The following CACNB1 variants were observed in gnomAD, a reference collection of about 807,000 sequenced individuals.
The protein encoded by CACNB1 is voltage-dependent L-type calcium channel subunit beta-1.
Under a neutral mutation model 71.6 loss-of-function variants are expected in CACNB1, and 29 were observed. That is an observed-to-expected ratio of 0.40 (90% CI 0.30 to 0.55). The LOEUF is 0.55. CACNB1 is among the 20% of genes least tolerant of loss of function. The probability of loss-of-function intolerance (pLI) is 0.38; values close to 1 mark genes in which losing one functional copy is unlikely to be tolerated. For synonymous variants in CACNB1, 300 were observed against 319.6 expected (o/e 0.94, Z 0.65); for missense variants, 623 against 801.8 (o/e 0.78, Z 2.69).
Position 39,191,489 on chromosome 17 carries a change from C to G in CACNB1, c.276G>C (p.Gln92His). 6.2e-7 allele frequency: 1 copy of G among 1,602,872 alleles called. No homozygotes were observed. The change falls in exon 3 of 14, where the codon CAG becomes CAC. Residue 92 changes from glutamine (Q) to histidine (H), a missense_variant. Gln to His is a conservative substitution (Grantham distance 24). Coordinates refer to ENST00000394303, the MANE Select transcript of CACNB1 (RefSeq NM_000723.5). ...RKEAERQALA[Q>H]LEKAKTKPVA... is the part of the protein sequence containing the mutation. ...TCTTTCTCACCTTGGCCTTCTCGAGCTGCGCTAATGCCTGGCGCTCTGCTT... is the reference window on the plus strand; with the variant it reads ...TCTTTCTCACCTTGGCCTTCTCGAGGTGCGCTAATGCCTGGCGCTCTGCTT...
Position 39,187,570 on chromosome 17 carries a change from T to C in CACNB1, c.323A>G (p.Asn108Ser), listed in dbSNP as rs768351592. 6.8e-6 allele frequency: 11 copies of C among 1,614,024 alleles called. No homozygotes were observed. The highest frequency in any genetic ancestry group is 9.3e-6 in the Non-Finnish European group (11 of 1,180,032). Residue 108 changes from asparagine (N) to serine (S), a missense_variant, in exon 4 of 14, where the codon AAT becomes AGT. By Grantham distance (46) the Asn-to-Ser change is conservative (BLOSUM62 1). Coordinates refer to ENST00000394303, the MANE Select transcript of CACNB1 (RefSeq NM_000723.5). The stretch of plus-strand genomic sequence containing the variant: ...CCCTGGAGACGGATTGTAGCCAACA[T>C]TTGTCCGCACAGCAAATGCCACTGG... ...TKPVAFAVRT[N>S]VGYNPSPGDE...
At chr17:39,191,704 A>G in intron 2 of CACNB1, 111 bp from the exon 3 acceptor site, 1 of 1,060,448 alleles carries the variant, frequency 9.4e-7, no homozygotes, top group Non-Finnish European at 1.4e-6. Context: ...CAGCCAGCCC[A>G]GCATGACACC....
intron 1 of CACNB1, among the ~76,000 whole-genome samples, chr17:39,197,166 G>C (rs922557343): frequency 6.6e-6 from 1 of 152,082 alleles, no homozygotes; most frequent in Non-Finnish European, 1.5e-5. Flanking sequence ...GAACCTTGAC[G>C]CGGGGGAGAT....
At chr17:39,185,046 G>A in intron 7 of CACNB1, 85 bp downstream of exon 7, 15 of 1,257,762 alleles carry the variant, frequency 1.2e-5, no homozygotes, top group South Asian at 1.1e-4. Flanking sequence ...GGAAATGGGG[G>A]ACAGATGTGG....
intron 3 of CACNB1, among the ~76,000 whole-genome samples, chr17:39,190,585 A>T (rs1325352562): frequency 6.6e-6 from 1 of 151,514 alleles, no homozygotes; most frequent in Non-Finnish European, 1.5e-5. Flanking sequence ...ACACCACCAC[A>T]CCCAGCTACG....
Position 39,175,527 on chromosome 17 carries a change from G to A in CACNB1, c.1463C>T (p.Ala488Val). The A allele has an allele frequency of 6.2e-7, 1 of 1,613,886 alleles. No homozygotes were observed. Among genetic ancestry groups the A allele is most frequent in the Non-Finnish European group, 8.5e-7 (1 of 1,179,996 alleles). The change falls in exon 14 of 14, where the codon GCA becomes GTA. Residue 488 changes from alanine to valine, a missense_variant. Ala to Val is a moderately conservative substitution (Grantham distance 64). Coordinates refer to ENST00000394303, the MANE Select transcript of CACNB1 (RefSeq NM_000723.5). This position sits in a 1 kb window ranked among gnomAD's most constrained non-coding sequence, Gnocchi z 4.7. ...GCGGGACAGTGCCCGTAGCGTGCCT[G>A]CCCGGCCTGGTGGGTGGCTGCTGGG... ...LYPSSHPPGR[A>V]GTLRALSRQD...
At chr17:39,185,547 C>T (rs1216003425) in intron 6 of CACNB1, among the ~76,000 whole-genome samples, 1 of 149,890 alleles carries the variant, frequency 6.7e-6, no homozygotes, top group Non-Finnish European at 1.5e-5. Context: ...TCTTGCTTTG[C>T]AGCCAGCAGC....
At chr17:39,193,481 C>T (rs746605084) in intron 2 of CACNB1, 14 of 453,868 alleles carry the variant, frequency 3.1e-5, no homozygotes, top group South Asian at 1.9e-4. Flanking sequence ...GCCTCCATCC[C>T]GGCACCCTCA....
chr17:39,183,872 C>G lies in CACNB1; in HGVS notation c.899-8G>C. On this transcript the variant is annotated splice_polypyrimidine_tract_variant and splice_region_variant and intron_variant, in intron 10 of 13. Coordinates refer to ENST00000394303, the MANE Select transcript of CACNB1 (RefSeq NM_000723.5). ...TTTCACTCTGCACCTCAGCTGGGGG[C>G]ATGGAGTCATGTGGATGGGGGAATG... The G allele has an allele frequency of 6.2e-7, 1 of 1,610,554 alleles. No homozygotes were observed. Among genetic ancestry groups the G allele is most frequent in the African/African-American group, 1.3e-5 (1 of 74,956 alleles).
intron 11 of CACNB1, chr17:39,182,923 G>A: frequency 1.0e-6 from 1 of 977,742 alleles, no homozygotes; most frequent in Non-Finnish European, 1.2e-6. Context: ...AAACCAATCA[G>A]AGCTTGAATT....
chr17:39,189,060 A>G (rs1057136257), intron 3 of CACNB1, among the ~76,000 whole-genome samples: 3 of 151,676 alleles, frequency 2.0e-5, no homozygotes, highest in Admixed American at 1.3e-4. Flanking sequence ...AAAACAAAAT[A>G]AATTAATTAA....
rs2046223814 is a variant in CACNB1 at position 39,197,397 on chromosome 17, G to C, written c.84+15C>G. The stretch of plus-strand genomic sequence containing the variant: ...GAGCGACCCCCTCCCGTTGGGCCGG[G>C]CCACCACGCCTCACCTGCGGGCTGG... On this transcript the variant is annotated intron_variant, in intron 1 of 13. Coordinates refer to ENST00000394303, the MANE Select transcript of CACNB1 (RefSeq NM_000723.5). The C allele has an allele frequency of 7.0e-7, 1 of 1,438,112 alleles. No individual in the cohort carries two copies. Among genetic ancestry groups the C allele is most frequent in the South Asian group, 1.4e-5 (1 of 70,524 alleles). The allele number at this position is 1,438,112 out of a possible 1,614,324, so 89.1% of individuals were successfully genotyped here.
At position 39,187,555 on chromosome 17, in the gene CACNB1, G is replaced by A. The variant is rs769592324; in HGVS notation, c.338C>T (p.Pro113Leu). The A allele has an allele frequency of 1.6e-5, 26 of 1,614,052 alleles. No individual in the cohort carries two copies. Among genetic ancestry groups the A allele is most frequent in the Non-Finnish European group, 2.0e-5 (24 of 1,180,034 alleles). The change falls in exon 4 of 14, where the codon CCG becomes CTG. Residue 113 changes from proline (P) to leucine (L), a missense_variant. Coordinates refer to ENST00000394303, the MANE Select transcript of CACNB1 (RefSeq NM_000723.5). ...CACAGGCACCTCATCCCCTGGAGAC[G>A]GATTGTAGCCAACATTTGTCCGCAC... ...FAVRTNVGYN[P>L]SPGDEVPVQG...
chr17:39,177,918 C>A, intron 12 of CACNB1, 66 bp downstream of exon 12: 1 of 1,284,726 alleles, frequency 7.8e-7, no homozygotes, highest in Non-Finnish European at 1.1e-6. Flanking sequence ...CTCATGTAGG[C>A]CAGAGGAAAC....
In CACNB1 at chr17:39,175,126, T is replaced by G; in HGVS notation, c.*67A>C. On this transcript the variant is annotated 3_prime_UTR_variant, in exon 14 of 14. Transcript: ENST00000394303. This position sits in a 1 kb window ranked among gnomAD's most constrained non-coding sequence, Gnocchi z 4.7. ...CCTGGAGGCGAATACATGTCAGGTG[T>G]GAGCCCCTCGCTCCCTCCCCTCCCC... The G allele has an allele frequency of 6.2e-6, 8 of 1,291,820 alleles. No homozygotes were observed. Among genetic ancestry groups the G allele is most frequent in the Non-Finnish European group, 7.6e-6 (7 of 920,008 alleles). 80.0% of individuals were successfully genotyped at this position (1,291,820 alleles called of 1,614,324 possible).
intron 4 of CACNB1, 52 bp downstream of exon 4, chr17:39,187,427 T>G: frequency 6.2e-7 from 1 of 1,609,314 alleles, no homozygotes; most frequent in Admixed American, 1.7e-5. Context: ...ACTAGCACTC[T>G]GGCTGCCTGT....
intron 13 of CACNB1, among the ~76,000 whole-genome samples, chr17:39,176,772 A>T (rs2045588632): frequency 6.6e-6 from 1 of 152,056 alleles, no homozygotes; most frequent in African/African-American, 2.4e-5. Flanking sequence ...CTCCCATGGG[A>T]GGTCCTTTCC....
At chr17:39,176,634 C>G (rs896058337) in intron 13 of CACNB1, among the ~76,000 whole-genome samples, 1 of 152,178 alleles carries the variant, frequency 6.6e-6, no homozygotes, top group African/African-American at 2.4e-5. Context: ...TTGCTGAAAA[C>G]AAATTTGAAA....
chr17:39,191,386 A>C, intron 3 of CACNB1, 88 bp downstream of exon 3: 1 of 1,370,570 alleles, frequency 7.3e-7, no homozygotes, highest in Non-Finnish European at 9.9e-7. Flanking sequence ...CTGGGTCAAG[A>C]CTTGGCCCTG....
Sources: allele counts gnomAD v4.1 joint callset (sites outside exome capture counted in the v4.1 genomes callset), GRCh38; gene constraint gnomAD v4.1.1; non-coding constraint Gnocchi (gnomAD v3.1); transcripts MANE v1.5; gene names NCBI Gene and HGNC (gene_info 2026-07-23, HGNC 2026-07-21).